Variants in SMARCA2 observed in about 807,000 individuals in gnomAD.
SMARCA2 encodes the protein SWI/SNF related BAF chromatin remodeling complex subunit ATPase 2.
A neutral mutation model predicts 199.8 loss-of-function variants in SMARCA2; 61 were observed. The ratio of observed to expected loss-of-function variants is 0.31; its 90% CI spans 0.25 to 0.38. SMARCA2 has a LOEUF of 0.38. Among genes scored for constraint, SMARCA2 ranks in the 10% least tolerant of loss-of-function variants. The pLI is 1.00. For synonymous variants in SMARCA2, 935 were observed against 732.0 expected, an observed-to-expected ratio of 1.28 and a Z score of -4.48; for missense variants, 1,344 against 2,012.2, an observed-to-expected ratio of 0.67 and a Z score of 6.35.
chr9:2,183,583 C>G (rs1827210776), intron 31 of SMARCA2, among the ~76,000 whole-genome samples: 1 of 152,214 alleles, frequency 6.6e-6, no homozygotes, highest in South Asian at 2.1e-4. Context: ...ATTCCTTAAG[C>G]CTGTTTCCTG....
chr9:2,143,350 A>C (rs1263772446), intron 27 of SMARCA2, among the ~76,000 whole-genome samples: 1 of 152,234 alleles, frequency 6.6e-6, no homozygotes, highest in Admixed American at 6.5e-5. Flanking sequence ...ATGCATGACC[A>C]AAGAATCTGG....
At chr9:2,088,334 G>A (rs778999459) in intron 18 of SMARCA2, among the ~76,000 whole-genome samples, 166 bp from the exon 19 acceptor site, 2 of 152,186 alleles carry the variant, frequency 1.3e-5, no homozygotes, top group African/African-American at 2.4e-5. Context: ...CACTTGGTAG[G>A]CAGGTGGGAA....
intron 27 of SMARCA2, among the ~76,000 whole-genome samples, chr9:2,131,968 A>C (rs1823981511): frequency 6.6e-6 from 1 of 151,772 alleles, no homozygotes; most frequent in Non-Finnish European, 1.5e-5. Flanking sequence ...AAAAAATGAC[A>C]TTTATAATAC....
chr9:2,132,343 T>C (rs895439379), intron 27 of SMARCA2, among the ~76,000 whole-genome samples: 1 of 152,216 alleles, frequency 6.6e-6, no homozygotes, highest in Non-Finnish European at 1.5e-5. Flanking sequence ...CAGCCTGAAA[T>C]CACAGACAGG....
Position 2,119,796 on chromosome 9 carries a change from C to G in SMARCA2, c.3762+261C>G, listed in dbSNP as rs1351025866. 6.6e-6 allele frequency among the ~76,000 whole-genome samples: 1 copy of G among 152,186 alleles called. No homozygotes were observed. Among genetic ancestry groups the G allele is most frequent in the African/African-American group, 2.4e-5 (1 of 41,450 alleles). On this transcript the variant is annotated intron_variant, in intron 26 of 33. Transcript: ENST00000349721. The surrounding 1 kb of genome is among the most constrained non-coding windows in gnomAD (Gnocchi z 4.6). ...TCTGGCTTCTCTTGAAAAATGAGAT[C>G]GGGCAGTACCAGGCCCACATCTTTG...
intron 29 of SMARCA2, among the ~76,000 whole-genome samples, chr9:2,176,725 G>GT (rs1457422531): frequency 2.3e-5 from 2 of 87,374 alleles, no homozygotes; most frequent in East Asian, 7.9e-4. Flanking sequence ...GCTAAGTTTT[G>GT]TATTTTTTTT....
chr9:2,090,186 G>A (rs1166991088), intron 19 of SMARCA2, among the ~76,000 whole-genome samples: 1 of 152,184 alleles, frequency 6.6e-6, no homozygotes, highest in Non-Finnish European at 1.5e-5. Context: ...TACAAGAGAA[G>A]TTCCTGAGTA....
At chr9:2,082,095 T>C (rs1317450094) in intron 15 of SMARCA2, 100 bp downstream of exon 15, 2 of 963,746 alleles carry the variant, frequency 2.1e-6, no homozygotes, top group East Asian at 2.5e-5. Flanking sequence ...AATTGTAGCA[T>C]GTACTAACCT....
At chr9:2,179,248 A>G (rs1255884909) in intron 29 of SMARCA2, among the ~76,000 whole-genome samples, 1 of 152,188 alleles carries the variant, frequency 6.6e-6, no homozygotes, top group Non-Finnish European at 1.5e-5. Context: ...TTTTTAGAGA[A>G]TGAGGACATA....
At chr9:2,190,547 A>T (rs1256911524) in intron 32 of SMARCA2, among the ~76,000 whole-genome samples, 1 of 152,246 alleles carries the variant, frequency 6.6e-6, no homozygotes. Flanking sequence ...AACTACATAA[A>T]GAATTCAAGT....
rs113766202 is a variant in SMARCA2, at chr9:2,126,307, G to A, written c.3981+2370G>A. On this transcript the variant is annotated intron_variant, in intron 27 of 33. Coordinates refer to ENST00000349721, the MANE Select transcript of SMARCA2 (RefSeq NM_003070.5). ...GTTCTCAAAACAGCTTTATTGTAAC[G>A]TATCTTTTTGTAATCTAATCTTTTG... is the stretch of plus-strand genomic sequence containing the variant. Among the ~76,000 whole-genome samples the A allele has an allele frequency of 8.1e-3, 1,236 of 152,322 alleles. 22 individuals carry two copies. The highest frequency in any genetic ancestry group is 0.028 in the African/African-American group (1,163 of 41,576).
chr9:2,182,207 C>T lies in SMARCA2; in HGVS notation c.4426C>T (p.His1476Tyr). 3.1e-6 allele frequency: 5 copies of T among 1,613,520 alleles called. No individual in the cohort carries two copies. Among genetic ancestry groups the T allele is most frequent in the Non-Finnish European group, 4.2e-6 (5 of 1,179,448 alleles). Residue 1476 changes from histidine (H) to tyrosine (Y), a missense_variant, in exon 31 of 34, where the codon CAC becomes TAC. His to Tyr is a moderately conservative substitution (Grantham distance 83). Coordinates refer to ENST00000349721, the MANE Select transcript of SMARCA2 (RefSeq NM_003070.5). ...DLEKDVMLLC[H>Y]NAQTFNLEGS... ...GGAGAAGGATGTCATGCTTCTCTGT[C>T]ACAACGCTCAGACGTTCAACCTGGA...
At chr9:2,189,822 C>T (rs533379658) in intron 32 of SMARCA2, among the ~76,000 whole-genome samples, 18 of 152,292 alleles carry the variant, frequency 1.2e-4, no homozygotes, top group African/African-American at 4.1e-4. Context: ...GCTCTCATCT[C>T]TTCTGTTAGC....
chr9:2,177,287 T>G (rs1563830614), intron 29 of SMARCA2, among the ~76,000 whole-genome samples: 1 of 152,336 alleles, frequency 6.6e-6, no homozygotes, highest in East Asian at 1.9e-4. Context: ...TGTAAAATCC[T>G]TCCAACCTCA....
chr9:2,034,996 G>A (rs1019232556), intron 3 of SMARCA2, among the ~76,000 whole-genome samples: 1 of 150,518 alleles, frequency 6.6e-6, no homozygotes, highest in Non-Finnish European at 1.5e-5. Context: ...TGTTCATGGA[G>A]CTAATATAAG....
intron 28 of SMARCA2, among the ~76,000 whole-genome samples, chr9:2,162,261 TAGAG>T (rs1442814432): frequency 2.0e-5 from 3 of 152,170 alleles, no homozygotes; most frequent in Non-Finnish European, 4.4e-5. Flanking sequence ...ATTGAATTGT[TAGAG>T]AAAGAAGAAT....
Position 2,148,495 on chromosome 9 carries a change from TTTATTA to T in SMARCA2, c.3982-13183_3982-13178del, listed in dbSNP as rs1054911262. Among the ~76,000 whole-genome samples, 3 of 151,204 alleles carry T rather than the reference TTTATTA, an allele frequency of 2.0e-5. 1 individual carries two copies. The highest frequency in any genetic ancestry group is 4.4e-5 in the Non-Finnish European group (3 of 67,618). Reference sequence around the variant, plus strand: ...GATGTTTTCTTTTTTTTATTATTATTTTATTATTATTATACTTTAAGTTTTAGGGTA... The same window carrying T: ...GATGTTTTCTTTTTTTTATTATTATTTTATTATACTTTAAGTTTTAGGGTA... On this transcript the variant is annotated intron_variant, in intron 27 of 33. Coordinates refer to ENST00000349721, the MANE Select transcript of SMARCA2 (RefSeq NM_003070.5).
intron 29 of SMARCA2, among the ~76,000 whole-genome samples, chr9:2,178,898 T>C (rs1826811472): frequency 6.6e-6 from 1 of 152,184 alleles, no homozygotes; most frequent in Admixed American, 6.5e-5. Context: ...GGGATGAGTT[T>C]GATGTCTGTA....
In SMARCA2 at chr9:2,071,348, T is replaced by C. The variant is rs182170661; in HGVS notation, c.1746+877T>C. On this transcript the variant is annotated intron_variant, in intron 10 of 33. Transcript: ENST00000349721. ...ATCACAAGGAAAGAAAGGATCAGGA[T>C]AAATATCTGATGTGTGAGAAACTCC... is the stretch of plus-strand genomic sequence containing the variant. Among the ~76,000 whole-genome samples, 277 of 152,312 alleles carry C rather than the reference T, an allele frequency of 1.8e-3. 1 individual carries two copies. The highest frequency in any genetic ancestry group is 2.9e-3 in the Non-Finnish European group (197 of 68,018).
Sources: allele counts gnomAD v4.1 joint callset (sites outside exome capture counted in the v4.1 genomes callset), GRCh38; gene constraint gnomAD v4.1.1; non-coding constraint Gnocchi (gnomAD v3.1); transcripts MANE v1.5; gene names NCBI Gene and HGNC (gene_info 2026-07-23, HGNC 2026-07-21).